Variants in LEPR observed in about 807,000 individuals in gnomAD.
LEPR encodes OB receptor.
LEPR carries 56 observed loss-of-function variants against 114.7 expected under a neutral mutation model. The ratio of observed to expected loss-of-function variants is 0.49; its 90% confidence interval spans 0.39 to 0.61. The LOEUF (loss-of-function observed/expected upper bound fraction) is 0.61, where lower values mean the gene tolerates loss of function less well. LEPR is among the 20% of genes least tolerant of loss of function. The probability of loss-of-function intolerance (pLI) is 0.00; values close to 1 mark genes in which losing one functional copy is unlikely to be tolerated. For synonymous variants in LEPR, 443 were observed against 461.4 expected, an observed-to-expected ratio of 0.96 and a Z score of 0.51; for missense variants, 1,202 against 1,352.9, an observed-to-expected ratio of 0.89 and a Z score of 1.75.
At chr1:65,530,525 C>T (rs1650311691) in intron 2 of LEPR, among the ~76,000 whole-genome samples, 1 of 152,148 alleles carries the variant, frequency 6.6e-6, no homozygotes, top group South Asian at 2.1e-4. Context: ...ATGCTGAACA[C>T]GGGGTGGATT....
intron 2 of LEPR, among the ~76,000 whole-genome samples, chr1:65,519,519 G>T (rs949676500): frequency 6.6e-6 from 1 of 151,950 alleles, no homozygotes; most frequent in Non-Finnish European, 1.5e-5. Flanking sequence ...ATTCTCTAGG[G>T]TAATATATAT....
chr1:65,574,619 A>T (rs988555263), intron 5 of LEPR, among the ~76,000 whole-genome samples: 5 of 152,216 alleles, frequency 3.3e-5, no homozygotes, highest in African/African-American at 9.6e-5. Context: ...TATGTTTAAC[A>T]GTTGTTCTAC....
At position 65,638,868 on chromosome 1, in the gene LEPR, A is replaced by C. The variant is rs774619319; in HGVS notation, c.*1853A>C. The C allele has an allele frequency of 1.3e-5, 2 of 152,222 alleles. No individual in the cohort carries two copies. The highest frequency in any genetic ancestry group is 4.8e-5 in the African/African-American group (2 of 41,456). The allele number at this position is 152,222 out of a possible 1,614,324, so 9.4% of individuals were successfully genotyped here. A position where few individuals can be genotyped will look rare whatever the true frequency, so the allele number is the denominator to read the frequency against. ...AGATAAATGGAGAAGCGTTTTTTTC[A>C]TGGATAATTTTACATGGCTTTAGAG... On this transcript the variant is annotated 3_prime_UTR_variant, in exon 20 of 20. Coordinates refer to ENST00000349533, the MANE Select transcript of LEPR (RefSeq NM_002303.6).
Position 65,621,371 on chromosome 1 carries a change from A to C in LEPR, c.2510A>C (p.Gln837Pro). 2 of 1,613,302 alleles carry C rather than the reference A, an allele frequency of 1.2e-6. No individual in the cohort carries two copies. Among genetic ancestry groups the C allele is most frequent in the Non-Finnish European group, 8.5e-7 (1 of 1,179,530 alleles). ...TTTTCAGATGATATTGAAAAACACC[A>C]GAGTGATGCAGGTTTATATGTAATT... ...SFTQDDIEKH[Q>P]SDAGLYVIVP... Residue 837 changes from glutamine to proline, a missense_variant, in exon 18 of 20, where the codon CAG becomes CCG. By Grantham distance (76) the Gln-to-Pro change is moderately conservative. Coordinates refer to ENST00000349533, the MANE Select transcript of LEPR (RefSeq NM_002303.6).
intron 2 of LEPR, among the ~76,000 whole-genome samples, chr1:65,500,532 A>T (rs1183925562): frequency 6.6e-6 from 1 of 152,176 alleles, no homozygotes; most frequent in Non-Finnish European, 1.5e-5. Flanking sequence ...CAACATGAAG[A>T]CAGTGAGGAT....
rs1658822238 is a variant in LEPR, at chr1:65,640,149, G to A, written c.*3134G>A. 2 of 151,804 alleles carry A rather than the reference G, an allele frequency of 1.3e-5. No individual in the cohort carries two copies. Among genetic ancestry groups the A allele is most frequent in the Admixed American group, 1.3e-4 (2 of 15,236 alleles). The allele number at this position is 151,804 out of a possible 1,614,324, so 9.4% of individuals were successfully genotyped here. A position where few individuals can be genotyped will look rare whatever the true frequency, so the allele number is the denominator to read the frequency against. The stretch of plus-strand genomic sequence containing the variant: ...CATATATATGGTCACATTACTTCAG[G>A]AATATTTATATTACCTCCTCCAAAA... On this transcript the variant is annotated 3_prime_UTR_variant, in exon 20 of 20. Coordinates refer to ENST00000349533, the MANE Select transcript of LEPR (RefSeq NM_002303.6).
intron 2 of LEPR, among the ~76,000 whole-genome samples, chr1:65,455,669 C>T (rs558242269): frequency 2.0e-5 from 3 of 152,302 alleles, no homozygotes; most frequent in South Asian, 2.1e-4. Flanking sequence ...GCTGGGAGAA[C>T]CACTGCTCTC....
intron 2 of LEPR, among the ~76,000 whole-genome samples, chr1:65,455,537 G>T (rs550301403): frequency 1.7e-4 from 26 of 152,212 alleles, no homozygotes; most frequent in African/African-American, 3.8e-4. Flanking sequence ...TGGAGTACCC[G>T]GCCATGTGAG....
chr1:65,585,527 C>T (rs1655257024), intron 5 of LEPR, among the ~76,000 whole-genome samples: 1 of 151,858 alleles, frequency 6.6e-6, no homozygotes. Flanking sequence ...AAAAATATTA[C>T]CAAAAAGGCA....
At chr1:65,566,634 T>G (rs2100788649) in intron 3 of LEPR, among the ~76,000 whole-genome samples, 1 of 152,358 alleles carries the variant, frequency 6.6e-6, no homozygotes. Flanking sequence ...AGTTAGAGTA[T>G]CTTTAACAAA....
At chr1:65,495,912 G>A (rs1315349927) in intron 2 of LEPR, among the ~76,000 whole-genome samples, 1 of 152,116 alleles carries the variant, frequency 6.6e-6, no homozygotes, top group Non-Finnish European at 1.5e-5. Context: ...GTAGGGGAGT[G>A]GAGGATAGGG....
intron 2 of LEPR, among the ~76,000 whole-genome samples, chr1:65,509,661 TTGTTA>T (rs938061973): frequency 2.8e-4 from 42 of 152,270 alleles, no homozygotes; most frequent in African/African-American, 9.6e-4. Context: ...AGGTCCTTCT[TTGTTA>T]TGTTATGTTA....
Position 65,618,166 on chromosome 1 carries a change from G to A in LEPR, c.2395+20G>A. The stretch of plus-strand genomic sequence containing the variant: ...TCCATGGTAAGTTTACTATACTTTA[G>A]TAAGTTGCTCTCATGGATTAATATG... On this transcript the variant is annotated intron_variant, in intron 16 of 19. Transcript: ENST00000349533. 1.3e-6 allele frequency: 2 copies of A among 1,592,300 alleles called. No homozygotes were observed. Among genetic ancestry groups the A allele is most frequent in the African/African-American group, 1.3e-5 (1 of 74,582 alleles).
chr1:65,581,776 A>G (rs1254665728), intron 5 of LEPR, among the ~76,000 whole-genome samples: 1 of 152,188 alleles, frequency 6.6e-6, no homozygotes, highest in Non-Finnish European at 1.5e-5. Context: ...GCAAGAAGAA[A>G]CCAAGAGACA....
intron 1 of LEPR, among the ~76,000 whole-genome samples, chr1:65,424,026 G>C (rs184317690): frequency 1.7e-4 from 26 of 152,180 alleles, no homozygotes; most frequent in African/African-American, 6.3e-4. Flanking sequence ...TGAGAAATCA[G>C]GTTCAGAGGA....
At chr1:65,463,634 A>G (rs541724567) in intron 2 of LEPR, among the ~76,000 whole-genome samples, 5 of 152,234 alleles carry the variant, frequency 3.3e-5, no homozygotes, top group Non-Finnish European at 7.4e-5. Context: ...TTTTCATGAT[A>G]TTGATTCTTC....
chr1:65,550,840 G>C (rs1055233790), intron 2 of LEPR, among the ~76,000 whole-genome samples: 2 of 152,218 alleles, frequency 1.3e-5, no homozygotes, highest in Non-Finnish European at 2.9e-5. Context: ...TGCACCCACT[G>C]TCTGGCACTC....
intron 2 of LEPR, among the ~76,000 whole-genome samples, chr1:65,496,772 T>A (rs1478347071): frequency 6.6e-6 from 1 of 152,076 alleles, no homozygotes; most frequent in Non-Finnish European, 1.5e-5. Flanking sequence ...ACCCAGTATG[T>A]CTTAATGAGC....
chr1:65,519,855 T>C (rs1649541084), intron 2 of LEPR, among the ~76,000 whole-genome samples: 1 of 151,802 alleles, frequency 6.6e-6, no homozygotes, highest in South Asian at 2.1e-4. Flanking sequence ...AAAAATGTTT[T>C]TTTTGTTTTG....
Sources: gnomAD v4.1 joint callset for allele counts (sites outside exome capture counted in the v4.1 genomes callset) on GRCh38, gnomAD v4.1.1 for gene constraint, MANE v1.5 for transcripts, NCBI Gene and HGNC (gene_info 2026-07-23, HGNC 2026-07-21) for gene names.